The following FHIT variants were observed in gnomAD, a reference collection of about 807,000 sequenced individuals.
FHIT encodes the protein fragile histidine triad diadenosine triphosphatase.
FHIT carries 19 observed loss-of-function variants against 17.9 expected under a neutral mutation model. The ratio of observed to expected loss-of-function variants is 1.06; its 90% confidence interval spans 0.74 to 1.56. The LOEUF (loss-of-function observed/expected upper bound fraction) is 1.56. Among genes scored for constraint, FHIT ranks in the 40% most tolerant of loss-of-function variants. The pLI is 0.00. For missense variants in FHIT, 248 were observed against 189.2 expected, an observed-to-expected ratio of 1.31 and a Z score of -1.82; for synonymous variants, 81 against 69.7, an observed-to-expected ratio of 1.16 and a Z score of -0.81.
chr3:60,378,491 T>C (rs1009885700), intron 5 of FHIT, among the ~76,000 whole-genome samples: 1 of 152,202 alleles, frequency 6.6e-6, no homozygotes, highest in African/African-American at 2.4e-5. Flanking sequence ...AGAGTAGATC[T>C]AGAGACATTT....
chr3:60,047,153 G>A (rs1354126045), intron 5 of FHIT, among the ~76,000 whole-genome samples: 1 of 152,110 alleles, frequency 6.6e-6, no homozygotes, highest in South Asian at 2.1e-4. Flanking sequence ...CGTAACAGTC[G>A]GTGCACAGCA....
chr3:59,981,971 A>G (rs1220788428), intron 7 of FHIT, among the ~76,000 whole-genome samples: 5 of 151,802 alleles, frequency 3.3e-5, no homozygotes, highest in African/African-American at 1.2e-4. Context: ...AAAGAAAAAA[A>G]AAATTATTGA....
At chr3:60,552,062 C>T (rs987642575) in intron 4 of FHIT, among the ~76,000 whole-genome samples, 1 of 152,068 alleles carries the variant, frequency 6.6e-6, no homozygotes, top group African/African-American at 2.4e-5. Context: ...CTTTTCTGGA[C>T]ATTCTATAGA....
intron 4 of FHIT, among the ~76,000 whole-genome samples, chr3:60,604,707 G>A (rs1360201765): frequency 6.6e-6 from 1 of 152,132 alleles, no homozygotes. Context: ...CCCACTCTTG[G>A]TGTCCTAAGT....
intron 7 of FHIT, among the ~76,000 whole-genome samples, chr3:59,964,922 G>A (rs952454609): frequency 6.6e-6 from 1 of 152,068 alleles, no homozygotes; most frequent in African/African-American, 2.4e-5. Context: ...CCATAAATTT[G>A]AAGGAAAATA....
chr3:60,011,452 T>C, intron 6 of FHIT, 52 bp from the exon 7 acceptor site: 6 of 1,452,068 alleles, frequency 4.1e-6, no homozygotes, highest in Non-Finnish European at 5.8e-6. Flanking sequence ...TGGTATCTCC[T>C]GCTTATTCAG....
At chr3:60,819,933 C>T (rs962711236) in intron 4 of FHIT, among the ~76,000 whole-genome samples, 1 of 152,128 alleles carries the variant, frequency 6.6e-6, no homozygotes, top group Admixed American at 6.6e-5. Flanking sequence ...AGTCTACAGT[C>T]CTTTTTGTCA....
intron 5 of FHIT, among the ~76,000 whole-genome samples, chr3:60,164,698 G>A (rs1166429637): frequency 6.6e-6 from 1 of 152,116 alleles, no homozygotes; most frequent in Non-Finnish European, 1.5e-5. Context: ...TGTGCTCAGT[G>A]CTCTTGATCT....
chr3:60,978,159 G>A (rs1430215628), intron 3 of FHIT, among the ~76,000 whole-genome samples: 1 of 152,162 alleles, frequency 6.6e-6, no homozygotes, highest in African/African-American at 2.4e-5. Flanking sequence ...TACTTTCCTT[G>A]AGCCAGGTCC....
intron 5 of FHIT, among the ~76,000 whole-genome samples, chr3:60,031,047 G>C (rs2736801): frequency 0.81 from 122,720 of 152,142 alleles, 50,255 homozygotes; most frequent in East Asian, 0.97. Context: ...ACTATTTGCT[G>C]AACTACAAGA....
At chr3:60,659,227 G>T (rs1165164082) in intron 4 of FHIT, among the ~76,000 whole-genome samples, 1 of 151,920 alleles carries the variant, frequency 6.6e-6, no homozygotes, top group Non-Finnish European at 1.5e-5. Flanking sequence ...AACAGTTTGA[G>T]TATACTGTGT....
intron 4 of FHIT, among the ~76,000 whole-genome samples, chr3:60,683,038 G>A (rs1449986996): frequency 6.6e-6 from 1 of 152,202 alleles, no homozygotes; most frequent in Admixed American, 6.5e-5. Context: ...CAGAAGTAAA[G>A]CTTGAAGATG....
intron 5 of FHIT, among the ~76,000 whole-genome samples, chr3:60,487,127 G>A (rs1259998746): frequency 6.6e-6 from 1 of 152,170 alleles, no homozygotes; most frequent in African/African-American, 2.4e-5. Context: ...CTGCAGAAAG[G>A]TTTGGTGACT....
At chr3:60,130,745 G>T (rs1050084112) in intron 5 of FHIT, among the ~76,000 whole-genome samples, 6 of 80,328 alleles carry the variant, frequency 7.5e-5, no homozygotes, top group Non-Finnish European at 1.4e-4. Context: ...ACTGAATAGG[G>T]GTGTGTGTGT....
At chr3:60,004,545 G>T (rs1257858649) in intron 7 of FHIT, among the ~76,000 whole-genome samples, 1 of 152,106 alleles carries the variant, frequency 6.6e-6, no homozygotes, top group Non-Finnish European at 1.5e-5. Flanking sequence ...ATTCCAAGCA[G>T]AGCAAAATAA....
At chr3:60,710,257 G>A (rs1325874191) in intron 4 of FHIT, among the ~76,000 whole-genome samples, 6 of 152,128 alleles carry the variant, frequency 3.9e-5, no homozygotes, top group Non-Finnish European at 8.8e-5. Context: ...ATGCTATGGT[G>A]CCAGTAGTTT....
At chr3:60,949,996 T>C (rs1708806908) in intron 3 of FHIT, among the ~76,000 whole-genome samples, 1 of 152,210 alleles carries the variant, frequency 6.6e-6, no homozygotes, top group African/African-American at 2.4e-5. Context: ...ATATATGATA[T>C]CGATCCCATA....
intron 3 of FHIT, among the ~76,000 whole-genome samples, chr3:60,886,775 A>G (rs1243860751): frequency 6.6e-6 from 1 of 152,142 alleles, no homozygotes; most frequent in African/African-American, 2.4e-5. Flanking sequence ...CTATTCTTGA[A>G]TGCCAGTTAA....
intron 5 of FHIT, among the ~76,000 whole-genome samples, chr3:60,372,918 T>A (rs957511691): frequency 6.6e-6 from 1 of 152,218 alleles, no homozygotes; most frequent in Non-Finnish European, 1.5e-5. Flanking sequence ...TTTAAGTTAA[T>A]AGAGATGAAT....
Sources: allele counts gnomAD v4.1 joint callset (sites outside exome capture counted in the v4.1 genomes callset), GRCh38; gene constraint gnomAD v4.1.1; transcripts MANE v1.5; gene names NCBI Gene and HGNC (gene_info 2026-07-23, HGNC 2026-07-21).